ACADL: variants seen among roughly 807,000 people sequenced by gnomAD.
ACADL encodes acyl-CoA dehydrogenase long chain.
In ACADL, 60 loss-of-function variants were observed where a neutral mutation model predicts 56.9. The observed-to-expected ratio is 1.05, with a 90% CI of 0.86 to 1.31. The LOEUF is 1.31. ACADL is among the 50% of genes most tolerant of loss of function. The pLI, the probability that ACADL is intolerant of heterozygous loss-of-function variation, is 0.00. For missense variants in ACADL, 484 were observed against 525.5 expected, an observed-to-expected ratio of 0.92 and a Z score of 0.77; for synonymous variants, 158 against 179.7, an observed-to-expected ratio of 0.88 and a Z score of 0.97.
intron 4 of ACADL, among the ~76,000 whole-genome samples, chr2:210,212,321 A>G (rs1212741200): frequency 6.6e-6 from 1 of 152,154 alleles, no homozygotes; most frequent in East Asian, 1.9e-4. Flanking sequence ...TGCAAACATG[A>G]ATGTCCTTAT....
At chr2:210,206,982 C>A (rs1688897586) in intron 5 of ACADL, among the ~76,000 whole-genome samples, 2 of 152,150 alleles carry the variant, frequency 1.3e-5, no homozygotes, top group African/African-American at 2.4e-5. Context: ...CACCCCTACT[C>A]CTATCCAATC....
intron 8 of ACADL, among the ~76,000 whole-genome samples, chr2:210,200,307 GT>G (rs2125710958): frequency 6.6e-6 from 1 of 152,226 alleles, no homozygotes; most frequent in Admixed American, 6.5e-5. Flanking sequence ...ATATATGTCA[GT>G]TTTTCTCAAT....
At chr2:210,222,882 G>A (rs954847761) in intron 1 of ACADL, among the ~76,000 whole-genome samples, 3 of 152,110 alleles carry the variant, frequency 2.0e-5, no homozygotes, top group Admixed American at 6.5e-5. Flanking sequence ...CCTTTTTCTT[G>A]CTAGTAGAGA....
chr2:210,195,367 AG>A, intron 8 of ACADL, 29 bp from the exon 9 acceptor site: 1 of 1,599,742 alleles, frequency 6.3e-7, no homozygotes, highest in Non-Finnish European at 8.6e-7. Context: ...AAAAGAAAAA[AG>A]TGAGCATGGT....
intron 1 of ACADL, 102 bp downstream of exon 1, chr2:210,225,085 C>G (rs1371583923): frequency 2.6e-6 from 4 of 1,513,764 alleles, no homozygotes; most frequent in Non-Finnish European, 3.5e-6. Flanking sequence ...CACTCCCAGC[C>G]GCGCGCGCAC....
At chr2:210,224,398 C>G (rs1689232303) in intron 1 of ACADL, 4 of 985,230 alleles carry the variant, frequency 4.1e-6, no homozygotes, top group Non-Finnish European at 4.8e-6. Context: ...GAGTAGCTTA[C>G]ACCAATGCTG....
At chr2:210,197,496 C>CA (rs1559634096) in intron 8 of ACADL, among the ~76,000 whole-genome samples, 2 of 151,370 alleles carry the variant, frequency 1.3e-5, no homozygotes, top group Non-Finnish European at 2.9e-5. Flanking sequence ...AAAGATGGAA[C>CA]AAAAAAAGAA....
chr2:210,207,352 C>G (rs374537059), intron 5 of ACADL, among the ~76,000 whole-genome samples: 1 of 152,160 alleles, frequency 6.6e-6, no homozygotes, highest in South Asian at 2.1e-4. Context: ...CTGGCACTAG[C>G]TTACCTCTCC....
At chr2:210,208,465 T>G (rs1027008596) in intron 5 of ACADL, among the ~76,000 whole-genome samples, 1 of 152,192 alleles carries the variant, frequency 6.6e-6, no homozygotes, top group African/African-American at 2.4e-5. Context: ...ACTTTCTCAG[T>G]TTGTTTCCTA....
intron 8 of ACADL, 149 bp downstream of exon 8, chr2:210,203,182 C>G: frequency 1.5e-6 from 1 of 671,976 alleles, no homozygotes; most frequent in Admixed American, 2.2e-5. Flanking sequence ...CTGTCTTACT[C>G]TCTACTATCT....
At chr2:210,223,654 G>C (rs1323385770) in intron 1 of ACADL, among the ~76,000 whole-genome samples, 1 of 152,124 alleles carries the variant, frequency 6.6e-6, no homozygotes, top group Non-Finnish European at 1.5e-5. Context: ...TACGCCAATG[G>C]ATAAAACAGA....
chr2:210,222,332 G>C (rs185575458), intron 1 of ACADL, among the ~76,000 whole-genome samples: 1 of 151,948 alleles, frequency 6.6e-6, no homozygotes, highest in East Asian at 1.9e-4. Context: ...TATGTGCCTG[G>C]GGGGAGGCAG....
At chr2:210,223,121 A>G (rs949186185) in intron 1 of ACADL, among the ~76,000 whole-genome samples, 8 of 152,210 alleles carry the variant, frequency 5.3e-5, no homozygotes, top group South Asian at 2.1e-4. Flanking sequence ...TAAGTAAAAT[A>G]TATAAAGACA....
At chr2:210,217,771 G>T in intron 3 of ACADL, 194 bp downstream of exon 3, 1 of 651,026 alleles carries the variant, frequency 1.5e-6, no homozygotes, top group Non-Finnish European at 2.5e-6. Context: ...AACTTAAAAG[G>T]ATTTTCTTAT....
chr2:210,225,024 G>C, intron 1 of ACADL, 163 bp downstream of exon 1: 1 of 985,390 alleles, frequency 1.0e-6, no homozygotes, highest in Non-Finnish European at 1.2e-6. Context: ...CACCCAGTCC[G>C]CGGGATCCAG....
At chr2:210,193,707 T>G (rs1247431862) in intron 9 of ACADL, among the ~76,000 whole-genome samples, 3 of 152,070 alleles carry the variant, frequency 2.0e-5, no homozygotes, top group Non-Finnish European at 4.4e-5. Flanking sequence ...TCACCCACTC[T>G]AGGGCCTAGG....
chr2:210,204,590 C>T lies in ACADL; in HGVS notation c.861G>A (p.Glu287=). 1 of 1,602,142 alleles carries T rather than the reference C, an allele frequency of 6.2e-7. No individual in the cohort carries two copies. The highest frequency in any genetic ancestry group is 2.2e-5 in the East Asian group (1 of 44,752). The change falls in exon 7 of 11, where the codon GAG becomes GAA. Residue 287 remains glutamate, a synonymous_variant. Coordinates refer to ENST00000233710, the MANE Select transcript of ACADL (RefSeq NM_001608.4). ...ENKGFYYIMK[E]LPQERLLIAD... is the part of the protein sequence containing the mutation. ...TTTAAACACTTCTGACCTGTGGAAG[C>T]TCTTTCATGATGTAATAGAAGCCTT...
At chr2:210,198,688 C>T (rs1454486538) in intron 8 of ACADL, among the ~76,000 whole-genome samples, 5 of 152,062 alleles carry the variant, frequency 3.3e-5, no homozygotes, top group African/African-American at 9.6e-5. Context: ...GTTACTTAAC[C>T]TCTCTATACC....
intron 3 of ACADL, 81 bp from the exon 4 acceptor site, chr2:210,216,592 C>G: frequency 7.4e-7 from 1 of 1,348,150 alleles, no homozygotes; most frequent in Admixed American, 2.0e-5. Context: ...TATTAAGGTC[C>G]TATCAAATTG....
Sources: gnomAD v4.1 joint callset for allele counts (sites outside exome capture counted in the v4.1 genomes callset) on GRCh38, gnomAD v4.1.1 for gene constraint, MANE v1.5 for transcripts, NCBI Gene and HGNC (gene_info 2026-07-23, HGNC 2026-07-21) for gene names.